The following STPG2 variants were observed in gnomAD, a reference collection of about 807,000 sequenced individuals.
The protein encoded by STPG2 is sperm-tail PG-rich repeat-containing protein 2.
Under a neutral mutation model 54.2 loss-of-function variants are expected in STPG2, and 56 were observed. That is an observed-to-expected ratio of 1.03 (90% CI 0.83 to 1.29). STPG2 has a LOEUF of 1.29. STPG2 is among the 50% of genes most tolerant of loss of function. STPG2 has a pLI of 0.00. For missense variants in STPG2, 596 were observed against 544.9 expected, an observed-to-expected ratio of 1.09 and a Z score of -0.93; for synonymous variants, 200 against 181.8, an observed-to-expected ratio of 1.10 and a Z score of -0.81.
intron 9 of STPG2, among the ~76,000 whole-genome samples, chr4:97,755,714 A>T (rs1051200476): frequency 6.6e-6 from 1 of 152,178 alleles, no homozygotes; most frequent in African/African-American, 2.4e-5. Flanking sequence ...GGCTCCCTGA[A>T]TACGCTACAG....
intron 5 of STPG2, among the ~76,000 whole-genome samples, chr4:98,031,544 G>A (rs783918): frequency 0.34 from 51,478 of 151,854 alleles, 9,969 homozygotes; most frequent in Non-Finnish European, 0.42. Context: ...TGGGCGTGGT[G>A]GCCTGTAGTC....
intron 10 of STPG2, among the ~76,000 whole-genome samples, chr4:97,586,687 A>G (rs774269004): frequency 1.3e-5 from 2 of 151,996 alleles, no homozygotes; most frequent in Non-Finnish European, 2.9e-5. Flanking sequence ...AAAGTATTGA[A>G]AGGAAAACAC....
chr4:97,777,325 A>G (rs1726409928), intron 9 of STPG2, among the ~76,000 whole-genome samples: 1 of 147,054 alleles, frequency 6.8e-6, no homozygotes, highest in Non-Finnish European at 1.5e-5. Context: ...TATACCATAA[A>G]ATCATCTCTT....
intron 5 of STPG2, among the ~76,000 whole-genome samples, chr4:98,050,225 G>C (rs7691864): frequency 0.39 from 59,275 of 151,892 alleles, 11,774 homozygotes; most frequent in Middle Eastern, 0.46. Context: ...TATGATATTA[G>C]CATTGTGATT....
At chr4:97,921,535 C>T (rs1320380286) in intron 8 of STPG2, among the ~76,000 whole-genome samples, 2 of 151,270 alleles carry the variant, frequency 1.3e-5, no homozygotes, top group Non-Finnish European at 2.9e-5. Flanking sequence ...TCCAATAGTA[C>T]ACTAAATCAA....
intron 4 of STPG2, among the ~76,000 whole-genome samples, chr4:97,546,367 T>A (rs1731833626): frequency 6.6e-6 from 1 of 151,904 alleles, no homozygotes; most frequent in South Asian, 2.1e-4. Context: ...AAAGAGTATA[T>A]TGGTTCTTAA....
Position 97,452,352 on chromosome 4 carries a change from A to G in STPG2, c.462+260347T>C, listed in dbSNP as rs553185445. Among the ~76,000 whole-genome samples the G allele has an allele frequency of 2.1e-4, 32 of 152,188 alleles. No individual in the cohort carries two copies. In the South Asian group the frequency reaches 6.0e-3, roughly 29 times the overall value. The stretch of plus-strand genomic sequence containing the variant: ...ATAAAGGACAGGTGGAGACAGACAG[A>G]TTCCTGGGTGGAATGGGGCAGGTCT... On this transcript the variant is annotated intron_variant, in intron 4 of 4. Transcript: ENST00000522676.
At chr4:97,784,672 C>T (rs968618791) in intron 9 of STPG2, among the ~76,000 whole-genome samples, 1 of 151,312 alleles carries the variant, frequency 6.6e-6, no homozygotes, top group African/African-American at 2.4e-5. Flanking sequence ...CCCTATTATT[C>T]AATGATACAT....
chr4:98,025,982 T>G (rs966378167), intron 5 of STPG2: 2 of 1,158,164 alleles, frequency 1.7e-6, no homozygotes, highest in African/African-American at 3.0e-5. Flanking sequence ...AAGCACATTG[T>G]GGGCCAGAAT....
At chr4:98,030,493 C>T (rs1736560744) in intron 5 of STPG2, among the ~76,000 whole-genome samples, 1 of 152,130 alleles carries the variant, frequency 6.6e-6, no homozygotes, top group African/African-American at 2.4e-5. Flanking sequence ...AATGCTATTT[C>T]TATTAAAGTA....
intron 8 of STPG2, among the ~76,000 whole-genome samples, chr4:97,914,960 G>A (rs1475286084): frequency 6.6e-6 from 1 of 152,070 alleles, no homozygotes; most frequent in Non-Finnish European, 1.5e-5. Context: ...ATGTCCTCAA[G>A]GTTCATCATA....
At chr4:97,874,764 C>A (rs1249637865) in intron 8 of STPG2, among the ~76,000 whole-genome samples, 1 of 151,620 alleles carries the variant, frequency 6.6e-6, no homozygotes, top group African/African-American at 2.4e-5. Flanking sequence ...CCAAATGTCA[C>A]AGTATTTCGA....
At chr4:97,612,226 T>G (rs1422727110) in intron 10 of STPG2, among the ~76,000 whole-genome samples, 2 of 144,990 alleles carry the variant, frequency 1.4e-5, no homozygotes, top group Non-Finnish European at 1.5e-5. Flanking sequence ...ATACATTTTC[T>G]TGTTGTAAAA....
intron 5 of STPG2, among the ~76,000 whole-genome samples, chr4:98,093,395 TCA>T (rs1360247449): frequency 2.4e-4 from 37 of 152,186 alleles, no homozygotes; most frequent in Non-Finnish European, 1.5e-4. Context: ...TTTAAAAAAC[TCA>T]CATTGATTAA....
At chr4:97,667,290 A>G (rs1028331568) in intron 10 of STPG2, among the ~76,000 whole-genome samples, 5 of 152,224 alleles carry the variant, frequency 3.3e-5, no homozygotes, top group Non-Finnish European at 7.3e-5. Context: ...TACTTCAACA[A>G]ACATTTTTAA....
At chr4:97,514,723 G>T (rs180788355) in intron 4 of STPG2, among the ~76,000 whole-genome samples, 1 of 151,962 alleles carries the variant, frequency 6.6e-6, no homozygotes. Flanking sequence ...GTGCCAGTTG[G>T]CTCAATTTTT....
chr4:97,765,601 G>A (rs775097245), intron 9 of STPG2, among the ~76,000 whole-genome samples: 22 of 152,074 alleles, frequency 1.4e-4, no homozygotes, highest in Admixed American at 2.0e-4. Flanking sequence ...GAAGATATAT[G>A]GAGAAGAACT....
intron 9 of STPG2, among the ~76,000 whole-genome samples, chr4:97,837,769 CTAAA>C (rs1370125983): frequency 4.0e-5 from 6 of 151,398 alleles, no homozygotes; most frequent in African/African-American, 1.2e-4. Context: ...TTTCATATTT[CTAAA>C]TAAAGATGTA....
chr4:97,862,094 G>T (rs908236826), intron 8 of STPG2, among the ~76,000 whole-genome samples: 5 of 151,936 alleles, frequency 3.3e-5, no homozygotes, highest in African/African-American at 1.2e-4. Context: ...AATGTAAATG[G>T]GCTAAATTAC....
Sources: allele counts gnomAD v4.1 joint callset (sites outside exome capture counted in the v4.1 genomes callset), GRCh38; gene constraint gnomAD v4.1.1; transcripts MANE v1.5; gene names NCBI Gene and HGNC (gene_info 2026-07-23, HGNC 2026-07-21).